NCOR1: variants seen among roughly 807,000 people sequenced by gnomAD.
NCOR1 encodes protein phosphatase 1, regulatory subunit 109.
In NCOR1, 63 loss-of-function variants were observed where a neutral mutation model predicts 288.1. That is an observed-to-expected ratio of 0.22 (90% CI 0.18 to 0.27). The LOEUF is 0.27. Among genes scored for constraint, NCOR1 ranks in the 10% least tolerant of loss-of-function variants. NCOR1 has a pLI of 1.00. For synonymous variants in NCOR1, 1,007 were observed against 1,065.9 expected (o/e 0.94, Z 1.08); for missense variants, 2,397 against 3,019.2 (o/e 0.79, Z 4.83).
At chr17:16,065,420 A>G in intron 33 of NCOR1, 65 bp downstream of exon 33, 1 of 1,471,494 alleles carries the variant, frequency 6.8e-7, no homozygotes, top group Non-Finnish European at 9.5e-7. Flanking sequence ...GTATTTACTG[A>G]GTACCTAAGA....
At chr17:16,167,642 T>C (rs2082261561) in intron 4 of NCOR1, among the ~76,000 whole-genome samples, 1 of 151,646 alleles carries the variant, frequency 6.6e-6, no homozygotes, top group Non-Finnish European at 1.5e-5. Context: ...GGCAGATCAC[T>C]AGAGGTCAGG....
rs2060552917 is a variant in NCOR1, at chr17:16,061,605, G to A, written c.5677C>T (p.Gln1893Ter). Reference protein sequence around the residue: ...TSSAFPSGKPQPHSSVVYSEA... With the variant: ...TSSAFPSGKP Reference sequence around the variant, plus strand: ...GAATAAACTACTGAAGAATGAGGCTGGGGCTTGCCACTTGGAAAGGCTGAA... The same window carrying A: ...GAATAAACTACTGAAGAATGAGGCTAGGGCTTGCCACTTGGAAAGGCTGAA... Residue 1893 changes from glutamine (Q) to a stop codon, truncating the protein, a stop_gained, in exon 37 of 46, where the codon CAG becomes TAG. Coordinates refer to ENST00000268712, the MANE Select transcript of NCOR1 (RefSeq NM_006311.4). LOFTEE classifies it high-confidence loss of function. 1 of 1,614,216 alleles carries A rather than the reference G, an allele frequency of 6.2e-7. No homozygotes were observed. Among genetic ancestry groups the A allele is most frequent in the Non-Finnish European group, 8.5e-7 (1 of 1,180,030 alleles).
intron 37 of NCOR1, among the ~76,000 whole-genome samples, chr17:16,060,588 G>A (rs886701881): frequency 3.3e-5 from 5 of 152,044 alleles, no homozygotes; most frequent in African/African-American, 7.2e-5. Flanking sequence ...TAGATATGAC[G>A]TAAACAAATT....
chr17:16,171,256 G>A (rs1375130962), intron 4 of NCOR1, among the ~76,000 whole-genome samples: 2 of 151,960 alleles, frequency 1.3e-5, no homozygotes, highest in Non-Finnish European at 2.9e-5. Context: ...GGGGAGGGTC[G>A]TTATCTCCAA....
chr17:16,056,954 A>C (rs1199031677), intron 40 of NCOR1: 1 of 152,170 alleles, frequency 6.6e-6, no homozygotes, highest in Non-Finnish European at 1.5e-5. Context: ...GAGGCCTAGA[A>C]TAAAATATAA....
In NCOR1 at chr17:16,071,395, C is replaced by G; in HGVS notation, c.4152+14G>C. The G allele has an allele frequency of 6.2e-7, 1 of 1,602,172 alleles. No homozygotes were observed. Among genetic ancestry groups the G allele is most frequent in the South Asian group, 1.1e-5 (1 of 89,220 alleles). On this transcript the variant is annotated intron_variant, in intron 30 of 45. Coordinates refer to ENST00000268712, the MANE Select transcript of NCOR1 (RefSeq NM_006311.4). ...AATATCAGTTACTGACAAAAAGAGC[C>G]AAAACTTAGTTACCTGGGAAATGGA...
intron 4 of NCOR1, 40 bp downstream of exon 4, chr17:16,171,763 C>T (rs896545881): frequency 2.1e-6 from 3 of 1,456,832 alleles, no homozygotes; most frequent in Non-Finnish European, 1.8e-6. Flanking sequence ...ATAAACATTA[C>T]AAACCTACAA....
rs578117979 is a variant in NCOR1, at chr17:16,030,930, G to A, written c.*1366C>T. 1 of 195,070 alleles carries A rather than the reference G, an allele frequency of 5.1e-6. No individual in the cohort carries two copies. The highest frequency in any genetic ancestry group is 6.1e-5 in the Admixed American group (1 of 16,388). The allele number at this position is 195,070 out of a possible 1,614,324, so 12.1% of individuals were successfully genotyped here. A position where few individuals can be genotyped will look rare whatever the true frequency, so the allele number is the denominator to read the frequency against. On this transcript the variant is annotated 3_prime_UTR_variant, in exon 46 of 46. Transcript: ENST00000268712. ...GTAAAGTGCTAATTTTTATCATCCT[G>A]AGAGATCTGTTTCTCCCCTTTCCAG...
chr17:16,079,970 G>A lies in NCOR1; in HGVS notation c.3495C>T (p.Ile1165=). 6.2e-7 allele frequency: 1 copy of A among 1,612,640 alleles called. No individual in the cohort carries two copies. Among genetic ancestry groups the A allele is most frequent in the Non-Finnish European group, 8.5e-7 (1 of 1,178,684 alleles). The change falls in exon 26 of 46, where the codon ATC becomes ATT. Residue 1165 remains isoleucine (I), a synonymous_variant. Coordinates refer to ENST00000268712, the MANE Select transcript of NCOR1 (RefSeq NM_006311.4). ...VESIPSLRGS[I]TQGTPALPQT... is the part of the protein sequence containing the mutation. Reference sequence around the variant, plus strand: ...AGAGATGATCGTGACTAACCTGAGTGATAGAGCCCCGTAGGGATGGAATGC... The same window carrying A: ...AGAGATGATCGTGACTAACCTGAGTAATAGAGCCCCGTAGGGATGGAATGC...
At chr17:16,058,325 G>C in intron 38 of NCOR1, 146 bp downstream of exon 38, 1 of 1,057,992 alleles carries the variant, frequency 9.5e-7, no homozygotes, top group South Asian at 2.0e-5. Context: ...AAAAAGAATC[G>C]ATTGCTGTTT....
intron 3 of NCOR1, 164 bp from the exon 4 acceptor site, chr17:16,172,159 A>G: frequency 2.2e-6 from 1 of 445,286 alleles, no homozygotes; most frequent in Non-Finnish European, 3.8e-6. Context: ...TATATACCTC[A>G]CTATAGTACC....
At chr17:16,166,777 C>G (rs1420837528) in intron 4 of NCOR1, among the ~76,000 whole-genome samples, 14 of 150,006 alleles carry the variant, frequency 9.3e-5, no homozygotes, top group African/African-American at 2.5e-5. Flanking sequence ...AAAAAAAATA[C>G]AAGAAAATTT....
intron 21 of NCOR1, among the ~76,000 whole-genome samples, chr17:16,095,335 C>A (rs2066254591): frequency 6.7e-6 from 1 of 150,352 alleles, no homozygotes. Flanking sequence ...CCGGCTGCCA[C>A]CCCGTCTGGG....
At chr17:16,060,370 A>G (rs2060416092) in intron 37 of NCOR1, among the ~76,000 whole-genome samples, 1 of 152,262 alleles carries the variant, frequency 6.6e-6, no homozygotes, top group Non-Finnish European at 1.5e-5. Flanking sequence ...CATGTGCTAT[A>G]CCATTCAATA....
chr17:16,132,833 G>A (rs577426600), intron 14 of NCOR1, among the ~76,000 whole-genome samples: 7 of 149,476 alleles, frequency 4.7e-5, no homozygotes, highest in African/African-American at 1.7e-4. Flanking sequence ...CTTGCTCTGG[G>A]ATTCTAGGCA....
chr17:16,068,187 T>A, intron 31 of NCOR1, 66 bp from the exon 32 acceptor site: 1 of 1,259,932 alleles, frequency 7.9e-7, no homozygotes, highest in Non-Finnish European at 1.1e-6. Flanking sequence ...ATTTGTCCAT[T>A]TCTCAACCAT....
In NCOR1 at chr17:16,070,541, C is replaced by A; in HGVS notation, c.4153-16G>T. On this transcript the variant is annotated splice_polypyrimidine_tract_variant and intron_variant, in intron 30 of 45. Coordinates refer to ENST00000268712, the MANE Select transcript of NCOR1 (RefSeq NM_006311.4). The stretch of plus-strand genomic sequence containing the variant: ...TTGGTGTGCCCTAAAGGGAAAGAAA[C>A]AAACATTACAGGTAGCAAAGTCATC... 1.9e-6 allele frequency: 3 copies of A among 1,606,544 alleles called. No homozygotes were observed. The highest frequency in any genetic ancestry group is 2.6e-6 in the Non-Finnish European group (3 of 1,175,708).
At chr17:16,133,231 AG>A (rs2153228844) in intron 14 of NCOR1, among the ~76,000 whole-genome samples, 1 of 152,288 alleles carries the variant, frequency 6.6e-6, no homozygotes, top group Non-Finnish European at 1.5e-5. Context: ...GGACTCCCAA[AG>A]TGTTGAGATC....
chr17:16,048,819 T>C (rs762602544), intron 41 of NCOR1, 26 bp downstream of exon 41: 4 of 1,568,726 alleles, frequency 2.5e-6, no homozygotes, highest in East Asian at 2.3e-5. Context: ...CCATGAATGG[T>C]TGCTGTCACT....
Sources: gnomAD v4.1 joint callset for allele counts (sites outside exome capture counted in the v4.1 genomes callset) on GRCh38, gnomAD v4.1.1 for gene constraint, MANE v1.5 for transcripts, NCBI Gene and HGNC (gene_info 2026-07-23, HGNC 2026-07-21) for gene names.